CREB1: variants seen among roughly 807,000 people sequenced by gnomAD.
CREB1 encodes cyclic AMP-responsive element-binding protein 1.
Under a neutral mutation model 42.0 loss-of-function variants are expected in CREB1, and 2 were observed. The observed-to-expected ratio is 0.05, with a 90% CI of 0.02 to 0.15. The LOEUF is 0.15. CREB1 is among the 10% of genes least tolerant of loss of function. The probability of loss-of-function intolerance (pLI) is 1.00; values close to 1 mark genes in which losing one functional copy is unlikely to be tolerated. For missense variants in CREB1, 199 were observed against 388.9 expected (o/e 0.51, Z 4.11); for synonymous variants, 123 against 139.9 (o/e 0.88, Z 0.85).
intron 7 of CREB1, 112 bp from the exon 8 acceptor site, chr2:207,596,802 T>C (rs2086262161): frequency 3.2e-6 from 4 of 1,233,244 alleles, no homozygotes; most frequent in Admixed American, 2.5e-5. Flanking sequence ...TAATATATAC[T>C]AAAATGTTGG....
At chr2:207,565,124 C>G (rs1033186398) in intron 3 of CREB1, among the ~76,000 whole-genome samples, 3 of 151,910 alleles carry the variant, frequency 2.0e-5, no homozygotes, top group Non-Finnish European at 4.4e-5. Context: ...CTCCCCAACT[C>G]CATGGATAGC....
rs1265843464 is a variant in CREB1 at position 207,603,488 on chromosome 2, G to A, written c.*6430G>A. On this transcript the variant is annotated 3_prime_UTR_variant, in exon 8 of 8. Coordinates refer to ENST00000353267, the MANE Select transcript of CREB1 (RefSeq NM_004379.5). ...ATATTTTGTTGGGTTTTTTTTGCTA[G>A]TAGTGTGAAGCCATGTTTTATTGGA... 37 of 225,188 alleles carry A rather than the reference G, an allele frequency of 1.6e-4. No individual in the cohort carries two copies. In the East Asian group the frequency reaches 2.4e-3, roughly 14 times the overall value. The allele number at this position is 225,188 out of a possible 1,614,324, so 13.9% of individuals were successfully genotyped here.
intron 7 of CREB1, chr2:207,581,643 T>G (rs2551926): frequency 0.94 from 387,963 of 413,556 alleles, 183,703 homozygotes; most frequent in East Asian, 1. Flanking sequence ...CAAAGGAGTT[T>G]TAAAAATACA....
intron 5 of CREB1, 27 bp from the exon 6 acceptor site, chr2:207,575,245 G>T: frequency 6.2e-7 from 1 of 1,603,522 alleles, no homozygotes; most frequent in Non-Finnish European, 8.5e-7. Flanking sequence ...TATTAAACTT[G>T]TAACAATAAA....
At chr2:207,540,699 G>GAAAAAAAAAAAA (rs1411514823) in intron 1 of CREB1, among the ~76,000 whole-genome samples, 1 of 75,770 alleles carries the variant, frequency 1.3e-5, no homozygotes, top group Non-Finnish European at 2.9e-5. Flanking sequence ...AAAAAAAAAG[G>GAAAAAAAAAAAA]AAAAAACCTT....
At chr2:207,562,871 T>C (rs1210996368) in intron 3 of CREB1, among the ~76,000 whole-genome samples, 1 of 152,246 alleles carries the variant, frequency 6.6e-6, no homozygotes, top group Non-Finnish European at 1.5e-5. Context: ...TATCATTCAT[T>C]CCTACAACAA....
At chr2:207,572,230 A>G (rs530423920) in intron 5 of CREB1, among the ~76,000 whole-genome samples, 1 of 151,576 alleles carries the variant, frequency 6.6e-6, no homozygotes, top group Non-Finnish European at 1.5e-5. Context: ...CGTCTCAAAA[A>G]AAAAAAAAAA....
In CREB1 at chr2:207,601,124, CTTTA is replaced by C. The variant is rs139164200; in HGVS notation, c.*4070_*4073del. On this transcript the variant is annotated 3_prime_UTR_variant, in exon 8 of 8. Transcript: ENST00000353267. Reference sequence around the variant, plus strand: ...TACCTTTTCAGTTGTTTTCAAGAGGCTTTATTTTTGTTGCCTTTGTAGCCCTGAA... The same window carrying C: ...TACCTTTTCAGTTGTTTTCAAGAGGCTTTTTGTTGCCTTTGTAGCCCTGAA... The C allele has an allele frequency of 0.82, 152,152 of 184,968 alleles. 62,923 individuals carry two copies. Among genetic ancestry groups the C allele is most frequent in the East Asian group, 1 (11,271 of 11,278 alleles). The allele number at this position is 184,968 out of a possible 1,614,324, so 11.5% of individuals were successfully genotyped here.
chr2:207,532,547 C>T (rs1242108696), intron 1 of CREB1, among the ~76,000 whole-genome samples: 1 of 151,284 alleles, frequency 6.6e-6, no homozygotes, highest in Non-Finnish European at 1.5e-5. Context: ...GTGGCGCGTG[C>T]TTGTAATCCC....
intron 5 of CREB1, chr2:207,571,801 C>T (rs1559045286): frequency 2.2e-6 from 1 of 444,742 alleles, no homozygotes; most frequent in South Asian, 1.6e-5. Flanking sequence ...CTCACTTGAA[C>T]TAGGAAGCAT....
intron 1 of CREB1, among the ~76,000 whole-genome samples, chr2:207,545,981 C>A (rs1286396949): frequency 1.3e-5 from 2 of 152,158 alleles, no homozygotes; most frequent in Non-Finnish European, 2.9e-5. Flanking sequence ...GTGATCTGCC[C>A]GCCTTGGCCT....
chr2:207,558,913 G>A (rs1377689057), intron 2 of CREB1, among the ~76,000 whole-genome samples: 2 of 152,192 alleles, frequency 1.3e-5, no homozygotes, highest in African/African-American at 4.8e-5. Context: ...AAAGTGCTGG[G>A]ATTACAGGCG....
At chr2:207,540,185 C>G (rs1417759585) in intron 1 of CREB1, among the ~76,000 whole-genome samples, 1 of 152,048 alleles carries the variant, frequency 6.6e-6, no homozygotes, top group Non-Finnish European at 1.5e-5. Context: ...GGAGGTATTC[C>G]AGAAGAAGGC....
At chr2:207,588,323 C>A (rs960579290) in intron 7 of CREB1, among the ~76,000 whole-genome samples, 1 of 152,048 alleles carries the variant, frequency 6.6e-6, no homozygotes, top group Non-Finnish European at 1.5e-5. Context: ...ATTGCCCTTG[C>A]TCTTTTTTTC....
chr2:207,593,985 C>G (rs2085611391), intron 7 of CREB1, among the ~76,000 whole-genome samples: 1 of 152,150 alleles, frequency 6.6e-6, no homozygotes, highest in Admixed American at 6.5e-5. Context: ...TCCCAAAGCG[C>G]TGGGACCTGG....
Position 207,555,658 on chromosome 2 carries a change from A to T in CREB1, c.23A>T (p.Glu8Val). 6.2e-7 allele frequency: 1 copy of T among 1,613,026 alleles called. No individual in the cohort carries two copies. ...TAAATGACCATGGAATCTGGAGCCG[A>T]GAACCAGCAGAGTGGAGATGCAGCT... MTMESGA[E>V]NQQSGDAAVT... The change falls in exon 2 of 8, where the codon GAG (glutamate) becomes GTG (valine). Residue 8 changes from glutamate to valine, a missense_variant. Around this residue, in one of 4 missense-constraint regions of CREB1, gnomAD observed 53 missense variants for 57.1 expected, o/e 0.93. Transcript: ENST00000353267.
At chr2:207,576,752 ATAAT>A (rs1462648039) in intron 6 of CREB1, 33 of 1,079,730 alleles carry the variant, frequency 3.1e-5, no homozygotes, top group Middle Eastern at 3.2e-4. Flanking sequence ...ATTGATATTA[ATAAT>A]TAATATGAAT....
intron 7 of CREB1, among the ~76,000 whole-genome samples, chr2:207,590,823 A>G (rs886316804): frequency 6.6e-6 from 1 of 152,196 alleles, no homozygotes; most frequent in Non-Finnish European, 1.5e-5. Context: ...TGATATAAAT[A>G]ATTGATTTAA....
chr2:207,581,755 C>G, intron 7 of CREB1: 2 of 668,422 alleles, frequency 3.0e-6, no homozygotes, highest in Non-Finnish European at 5.4e-6. Context: ...ATACCATTAA[C>G]TGAATTATAC....
Sources: gnomAD v4.1 joint callset for allele counts (sites outside exome capture counted in the v4.1 genomes callset) on GRCh38, gnomAD v4.1.1 for gene constraint, gnomAD v4.1.1 regional missense constraint, MANE v1.5 for transcripts, NCBI Gene and HGNC (gene_info 2026-07-23, HGNC 2026-07-21) for gene names.